CACNA1D: variants seen among roughly 807,000 people sequenced by gnomAD.
The protein encoded by CACNA1D is voltage-dependent L-type calcium channel subunit alpha-1D.
Under a neutral mutation model 257.1 loss-of-function variants are expected in CACNA1D, and 55 were observed. That is an observed-to-expected ratio of 0.21 (90% CI 0.17 to 0.27). The LOEUF (loss-of-function observed/expected upper bound fraction) is 0.27, where lower values mean the gene tolerates loss of function less well. Among genes scored for constraint, CACNA1D ranks in the 10% least tolerant of loss-of-function variants. The pLI is 1.00. For missense variants in CACNA1D, 1,876 were observed against 2,784.0 expected (o/e 0.67, Z 7.34); for synonymous variants, 980 against 1,014.9 (o/e 0.97, Z 0.65).
chr3:53,643,824 C>T (rs973969394), intron 3 of CACNA1D, among the ~76,000 whole-genome samples: 10 of 152,226 alleles, frequency 6.6e-5, no homozygotes, highest in African/African-American at 1.9e-4. Flanking sequence ...GACTGCTCTT[C>T]GCCCTGAACA....
chr3:53,811,119 A>T lies in CACNA1D; in HGVS notation c.6199A>T (p.Ile2067Leu). The T allele has an allele frequency of 6.2e-7, 1 of 1,613,746 alleles. No individual in the cohort carries two copies. The highest frequency in any genetic ancestry group is 8.5e-7 in the Non-Finnish European group (1 of 1,179,774). Residue 2067 changes from isoleucine to leucine, a missense_variant, in exon 48 of 48, where the codon ATA (isoleucine) becomes TTA (leucine). Around this residue, in one of 10 missense-constraint regions of CACNA1D, gnomAD observed 491 missense variants for 554.3 expected, o/e 0.89. Coordinates refer to ENST00000350061, the MANE Select transcript of CACNA1D (RefSeq NM_001128840.3). The surrounding 1 kb of genome is among the most constrained non-coding windows in gnomAD (Gnocchi z 4.2). ...ATCCCTCTTTTCTGTACAGGTCCTG[A>T]TATCCGAAGGCTTGGGACGCTATGC... is the stretch of plus-strand genomic sequence containing the variant. ...SADSLVEAVL[I>L]SEGLGRYARD...
At chr3:53,525,349 G>A (rs2091726814) in intron 3 of CACNA1D, among the ~76,000 whole-genome samples, 1 of 152,122 alleles carries the variant, frequency 6.6e-6, no homozygotes, top group Admixed American at 6.5e-5. Flanking sequence ...TGTATTATTG[G>A]TAGCTTGAAA....
At chr3:53,588,971 C>T (rs1366860566) in intron 3 of CACNA1D, among the ~76,000 whole-genome samples, 1 of 152,188 alleles carries the variant, frequency 6.6e-6, no homozygotes, top group Non-Finnish European at 1.5e-5. Flanking sequence ...CCACACCGTG[C>T]TCGTCTTCAT....
chr3:53,657,531 T>C (rs1576256609), intron 4 of CACNA1D, among the ~76,000 whole-genome samples: 1 of 152,288 alleles, frequency 6.6e-6, no homozygotes, highest in East Asian at 1.9e-4. Context: ...GTGTGTTTTA[T>C]TATAGATAAA....
chr3:53,729,148 C>G (rs1371265563), intron 15 of CACNA1D, among the ~76,000 whole-genome samples: 1 of 152,334 alleles, frequency 6.6e-6, no homozygotes, highest in East Asian at 1.9e-4. Context: ...TGTTACCAAG[C>G]CATCTCCAGC....
chr3:53,802,130 A>T lies in CACNA1D; in HGVS notation c.5409-17A>T. 1 of 1,599,614 alleles carries T rather than the reference A, an allele frequency of 6.3e-7. No homozygotes were observed. The highest frequency in any genetic ancestry group is 8.6e-7 in the Non-Finnish European group (1 of 1,166,764). On this transcript the variant is annotated splice_polypyrimidine_tract_variant and intron_variant, in intron 42 of 47. Transcript: ENST00000350061. ...TTATCTTCTCCCTCCTTCCCATGTTATGCCTTTCCTGGATAGAACCCGCTA... is the reference window on the plus strand; with the variant it reads ...TTATCTTCTCCCTCCTTCCCATGTTTTGCCTTTCCTGGATAGAACCCGCTA...
intron 3 of CACNA1D, among the ~76,000 whole-genome samples, chr3:53,509,157 G>A (rs948807977): frequency 1.3e-5 from 2 of 152,166 alleles, no homozygotes; most frequent in Admixed American, 1.3e-4. Flanking sequence ...CCTGTGGGCT[G>A]TAAGGGTGTT....
intron 28 of CACNA1D, among the ~76,000 whole-genome samples, chr3:53,752,693 C>T (rs1009852268): frequency 5.3e-5 from 8 of 152,196 alleles, no homozygotes; most frequent in Admixed American, 1.3e-4. Context: ...CCACCGCGCC[C>T]GGCACCTTTG....
chr3:53,546,277 C>G (rs754382989), intron 3 of CACNA1D, among the ~76,000 whole-genome samples: 8 of 152,056 alleles, frequency 5.3e-5, no homozygotes, highest in Non-Finnish European at 7.4e-5. Context: ...AGGTGTGGGC[C>G]CTGGGGGAAC....
At chr3:53,546,099 C>T (rs2092406543) in intron 3 of CACNA1D, among the ~76,000 whole-genome samples, 1 of 152,170 alleles carries the variant, frequency 6.6e-6, no homozygotes, top group Non-Finnish European at 1.5e-5. Context: ...TATATTGGGC[C>T]TCTTTGGCCA....
chr3:53,703,907 C>G lies in CACNA1D; in HGVS notation c.1390+1097C>G, dbSNP rs572273385. Among the ~76,000 whole-genome samples the G allele has an allele frequency of 4.6e-5, 7 of 152,200 alleles. No homozygotes were observed. The East Asian group carries it at 1.2e-3, about 25-fold the overall frequency. On this transcript the variant is annotated intron_variant, in intron 9 of 47. Transcript: ENST00000350061. Reference sequence around the variant, plus strand: ...ACACATAGAGGGCAGGCACCGCCGACGAGGGATCGAGGACAGGGCTGGAGG... The same window carrying G: ...ACACATAGAGGGCAGGCACCGCCGAGGAGGGATCGAGGACAGGGCTGGAGG...
At chr3:53,694,490 G>A (rs1034395041) in intron 8 of CACNA1D, among the ~76,000 whole-genome samples, 8 of 152,170 alleles carry the variant, frequency 5.3e-5, no homozygotes, top group African/African-American at 1.9e-4. Flanking sequence ...CGGAAGGGAC[G>A]TAGGATTTGG....
In CACNA1D at chr3:53,740,185, G is replaced by A. The variant is rs1050883700; in HGVS notation, c.2752-95G>A. On this transcript the variant is annotated intron_variant, in intron 20 of 47. Transcript: ENST00000350061. ...TGGCAGGGTTTTCCTGGAGGGATGG[G>A]TCTCTGACTGGATCGGGGGTTTCTG... 3.3e-6 allele frequency: 3 copies of A among 899,426 alleles called. No homozygotes were observed. In the Admixed American group the frequency reaches 5.1e-5, roughly 15 times the overall value. 55.7% of individuals were successfully genotyped at this position (899,426 alleles called of 1,614,324 possible).
intron 3 of CACNA1D, among the ~76,000 whole-genome samples, chr3:53,567,195 A>G (rs189234368): frequency 9.9e-4 from 151 of 152,340 alleles, no homozygotes; most frequent in African/African-American, 3.5e-3. Flanking sequence ...ACCCCAACTC[A>G]GCACACACTC....
At chr3:53,694,700 T>C (rs2094558138) in intron 8 of CACNA1D, among the ~76,000 whole-genome samples, 1 of 152,084 alleles carries the variant, frequency 6.6e-6, no homozygotes, top group South Asian at 2.1e-4. Flanking sequence ...TCTAAATAAA[T>C]GAGGGGCTTT....
At chr3:53,623,393 G>A (rs188252737) in intron 3 of CACNA1D, among the ~76,000 whole-genome samples, 1 of 152,344 alleles carries the variant, frequency 6.6e-6, no homozygotes, top group African/African-American at 2.4e-5. Context: ...CTAAAAATAA[G>A]ATAGATTGAT....
rs2095179722 is a variant in CACNA1D at position 53,747,328 on chromosome 3, G to A, written c.3194G>A (p.Gly1065Glu). 1 of 1,613,988 alleles carries A rather than the reference G, an allele frequency of 6.2e-7. No individual in the cohort carries two copies. The highest frequency in any genetic ancestry group is 8.5e-7 in the Non-Finnish European group (1 of 1,179,848). Residue 1065 changes from glycine (G) to glutamate (E), a missense_variant, in exon 26 of 48, where the codon GGG becomes GAG. Physicochemically the swap from Gly to Glu is moderately conservative, Grantham distance 98 (BLOSUM62 -2). Transcript: ENST00000350061. ...CRGLFILYKD[G>E]DVDSPVVRER... The stretch of plus-strand genomic sequence containing the variant: ...GGACTTTTCATCCTCTACAAGGATG[G>A]GGATGTTGACAGTCCTGTGGTCCGT...
At chr3:53,770,384 A>G (rs374558217) in intron 31 of CACNA1D, 40 bp from the exon 32 acceptor site, 4 of 1,603,660 alleles carry the variant, frequency 2.5e-6, no homozygotes, top group African/African-American at 2.7e-5. Flanking sequence ...TGCATGTTCT[A>G]CTTTCCATTG....
At chr3:53,780,273 G>T in intron 38 of CACNA1D, 145 bp downstream of exon 38, 2 of 706,910 alleles carry the variant, frequency 2.8e-6, no homozygotes, top group Non-Finnish European at 2.6e-6. Context: ...TGTCCATGCT[G>T]GGCTTGCCGG....
Sources: allele counts gnomAD v4.1 joint callset (sites outside exome capture counted in the v4.1 genomes callset), GRCh38; gene constraint gnomAD v4.1.1; regional missense constraint gnomAD v4.1.1; non-coding constraint Gnocchi (gnomAD v3.1); transcripts MANE v1.5; gene names NCBI Gene and HGNC (gene_info 2026-07-23, HGNC 2026-07-21).